The following CAMTA1 variants were observed in gnomAD, a reference collection of about 807,000 sequenced individuals.
The protein encoded by CAMTA1 is calmodulin binding transcription activator 1, also known as calmodulin-binding transcription activator 1.
In CAMTA1, 27 loss-of-function variants were observed where a neutral mutation model predicts 170.9. That is an observed-to-expected ratio of 0.16 (90% CI 0.12 to 0.22). The LOEUF (loss-of-function observed/expected upper bound fraction) is 0.22. Among genes scored for constraint, CAMTA1 ranks in the 10% least tolerant of loss-of-function variants. The pLI is 1.00. For missense variants in CAMTA1, 1,619 were observed against 2,217.2 expected, an observed-to-expected ratio of 0.73 and a Z score of 5.42; for synonymous variants, 833 against 891.5, an observed-to-expected ratio of 0.93 and a Z score of 1.17.
chr1:7,539,932 CT>C (rs1360931842), intron 6 of CAMTA1, among the ~76,000 whole-genome samples: 3 of 152,204 alleles, frequency 2.0e-5, no homozygotes, highest in African/African-American at 7.2e-5. Context: ...TGGGCTGTCC[CT>C]TACTTTTGCA....
At chr1:7,464,281 C>T (rs2093160716) in intron 5 of CAMTA1, among the ~76,000 whole-genome samples, 1 of 152,162 alleles carries the variant, frequency 6.6e-6, no homozygotes, top group Non-Finnish European at 1.5e-5. Context: ...CCACGAGCCC[C>T]GGAATGTGGC....
At chr1:6,945,302 C>T (rs1236777008) in intron 3 of CAMTA1, among the ~76,000 whole-genome samples, 1 of 152,124 alleles carries the variant, frequency 6.6e-6, no homozygotes, top group Non-Finnish European at 1.5e-5. Flanking sequence ...CTTTTTATAA[C>T]CCACAAAGGA....
chr1:7,188,651 C>T (rs1383098180), intron 4 of CAMTA1, among the ~76,000 whole-genome samples: 1 of 152,200 alleles, frequency 6.6e-6, no homozygotes, highest in Non-Finnish European at 1.5e-5. Context: ...AACTATCCTT[C>T]CTTTTTAAGG....
At chr1:7,704,533 G>C (rs1051512980) in intron 11 of CAMTA1, among the ~76,000 whole-genome samples, 1 of 148,126 alleles carries the variant, frequency 6.8e-6, no homozygotes, top group Non-Finnish European at 1.5e-5. Flanking sequence ...CCGCCGTCCA[G>C]CGCGGCTCGG....
At chr1:6,829,971 C>CT (rs1332238130) in intron 3 of CAMTA1, among the ~76,000 whole-genome samples, 7 of 151,338 alleles carry the variant, frequency 4.6e-5, no homozygotes, top group African/African-American at 1.7e-4. Flanking sequence ...GTTTTGATTC[C>CT]TTTTTTTAAA....
At chr1:7,026,635 CTTTTT>C (rs540196853) in intron 3 of CAMTA1, among the ~76,000 whole-genome samples, 2 of 116,548 alleles carry the variant, frequency 1.7e-5, no homozygotes, top group Admixed American at 9.0e-5. Context: ...TGGGTGGCTG[CTTTTT>C]TTTTTTTTTT....
At chr1:7,475,437 C>T (rs1226332708) in intron 6 of CAMTA1, among the ~76,000 whole-genome samples, 3 of 152,208 alleles carry the variant, frequency 2.0e-5, no homozygotes, top group African/African-American at 7.2e-5. Context: ...GGAAGCAAGT[C>T]GCTCCCTGAG....
chr1:6,800,765 A>G (rs920966151), intron 1 of CAMTA1, among the ~76,000 whole-genome samples: 1 of 152,210 alleles, frequency 6.6e-6, no homozygotes, highest in African/African-American at 2.4e-5. Flanking sequence ...TGATCATATC[A>G]CATCTTCACT....
intron 3 of CAMTA1, among the ~76,000 whole-genome samples, chr1:6,896,201 A>ATGCTTG (rs1289519800): frequency 1.3e-5 from 2 of 152,192 alleles, no homozygotes; most frequent in Non-Finnish European, 2.9e-5. Context: ...GATTCACAGA[A>ATGCTTG]TGCTTGTACT....
intron 6 of CAMTA1, among the ~76,000 whole-genome samples, chr1:7,498,321 AGAGT>A (rs1219317416): frequency 1.3e-5 from 2 of 148,876 alleles, no homozygotes; most frequent in African/African-American, 5.0e-5. Flanking sequence ...TGTGTGTGTA[AGAGT>A]GAGTGTGGAT....
At chr1:7,275,676 C>A (rs1166521890) in intron 5 of CAMTA1, among the ~76,000 whole-genome samples, 2 of 151,962 alleles carry the variant, frequency 1.3e-5, no homozygotes, top group Non-Finnish European at 2.9e-5. Flanking sequence ...ATGAAATGGA[C>A]AAATTTCTTA....
intron 3 of CAMTA1, among the ~76,000 whole-genome samples, chr1:6,958,394 G>A (rs897843967): frequency 1.3e-5 from 2 of 152,128 alleles, no homozygotes; most frequent in African/African-American, 4.8e-5. Flanking sequence ...GGACCCCCTG[G>A]CCACCTCTGC....
chr1:7,672,960 G>A (rs2096073784), intron 10 of CAMTA1, among the ~76,000 whole-genome samples: 1 of 152,210 alleles, frequency 6.6e-6, no homozygotes, highest in East Asian at 1.9e-4. Context: ...CAGCCAGCCG[G>A]GGTGGCAGCC....
chr1:7,236,053 C>T (rs530519937), intron 4 of CAMTA1, among the ~76,000 whole-genome samples: 29 of 152,268 alleles, frequency 1.9e-4, no homozygotes, highest in Middle Eastern at 3.4e-3. Context: ...TGAGAGTGGC[C>T]GGGCTGCGGG....
At chr1:7,022,960 A>T (rs947380160) in intron 3 of CAMTA1, among the ~76,000 whole-genome samples, 4 of 152,174 alleles carry the variant, frequency 2.6e-5, no homozygotes, top group Non-Finnish European at 5.9e-5. Flanking sequence ...GCCTTACTGG[A>T]GTTTCCACAG....
Position 7,456,374 on chromosome 1 carries a change from G to C in CAMTA1, c.439-11456G>C, listed in dbSNP as rs1232565483. Among the ~76,000 whole-genome samples, 1 of 152,168 alleles carries C rather than the reference G, an allele frequency of 6.6e-6. No homozygotes were observed. The highest frequency in any genetic ancestry group is 1.5e-5 in the Non-Finnish European group (1 of 68,036). On this transcript the variant is annotated intron_variant, in intron 5 of 22. Coordinates refer to ENST00000303635, the MANE Select transcript of CAMTA1 (RefSeq NM_015215.4). This position sits in a 1 kb window ranked among gnomAD's most constrained non-coding sequence, Gnocchi z 4.9. The stretch of plus-strand genomic sequence containing the variant: ...GAGACCAGCTCTAGCCACTTGGCAG[G>C]GCTCCAAGAAATAGGTCTCAGCGGT...
At chr1:7,472,254 G>A (rs538149550) in intron 6 of CAMTA1, among the ~76,000 whole-genome samples, 32 of 152,236 alleles carry the variant, frequency 2.1e-4, no homozygotes, top group African/African-American at 7.0e-4. Context: ...AGTGCAGGTC[G>A]GGGCTCCCAC....
At chr1:7,766,253 A>AT (rs5772289) in intron 22 of CAMTA1, among the ~76,000 whole-genome samples, 109,731 of 151,424 alleles carry the variant, frequency 0.72, 40,264 homozygotes, top group East Asian at 0.96. Context: ...CTTTAGAATG[A>AT]TTTTTTTTTC....
intron 6 of CAMTA1, among the ~76,000 whole-genome samples, chr1:7,500,582 T>C (rs1056583317): frequency 6.6e-6 from 1 of 152,112 alleles, no homozygotes; most frequent in Non-Finnish European, 1.5e-5. Context: ...CTCCCCTGGG[T>C]GGGCCCGTGG....
Sources: gnomAD v4.1 joint callset for allele counts (sites outside exome capture counted in the v4.1 genomes callset) on GRCh38, gnomAD v4.1.1 for gene constraint, Gnocchi (gnomAD v3.1) non-coding constraint, MANE v1.5 for transcripts, NCBI Gene and HGNC (gene_info 2026-07-23, HGNC 2026-07-21) for gene names.